The following CELF2 variants were observed in gnomAD, a reference collection of about 807,000 sequenced individuals.
CELF2 encodes CUGBP Elav-like family member 2.
In CELF2, 8 loss-of-function variants were observed where a neutral mutation model predicts 62.6. The ratio of observed to expected loss-of-function variants is 0.13; its 90% CI spans 0.07 to 0.23. The LOEUF is 0.23. Ranked by LOEUF, CELF2 falls within the 10% of genes least tolerant of loss-of-function variation. The pLI, the probability that CELF2 is intolerant of heterozygous loss-of-function variation, is 1.00. For synonymous variants in CELF2, 258 were observed against 250.0 expected, an observed-to-expected ratio of 1.03 and a Z score of -0.30; for missense variants, 333 against 671.0, an observed-to-expected ratio of 0.50 and a Z score of 5.56.
the CELF2 span, among the ~76,000 whole-genome samples, chr10:10,763,982 G>T: frequency 8.5e-5 from 13 of 152,220 alleles, no homozygotes; most frequent in South Asian, 2.1e-4. Flanking sequence ...AGTATTTCAC[G>T]CTGTGCGGCT....
chr10:10,567,449 C>T, the CELF2 span, among the ~76,000 whole-genome samples: 2 of 152,066 alleles, frequency 1.3e-5, no homozygotes, highest in Non-Finnish European at 2.9e-5. Context: ...CTCTTGGAAT[C>T]AATACCCAAG....
At position 11,318,889 on chromosome 10, in the gene CELF2, G is replaced by C. The variant is rs752341818; in HGVS notation, c.1097-2300G>C. 4 of 471,158 alleles carry C rather than the reference G, an allele frequency of 8.5e-6. No homozygotes were observed. The highest frequency in any genetic ancestry group is 6.2e-5 in the South Asian group (4 of 64,566). 29.2% of individuals were successfully genotyped at this position (471,158 alleles called of 1,614,324 possible). On this transcript the variant is annotated intron_variant, in intron 10 of 12. Coordinates refer to ENST00000633077, the MANE Select transcript of CELF2 (RefSeq NM_001326342.2). The surrounding 1 kb of genome is among the most constrained non-coding windows in gnomAD (Gnocchi z 5.4). ...ACATCGCAGGAAGGATCCCCCGTGG[G>C]TCTCACATGACAGGGCCTGAAAACT...
chr10:10,629,565 G>A, the CELF2 span, among the ~76,000 whole-genome samples: 1 of 151,928 alleles, frequency 6.6e-6, no homozygotes, highest in African/African-American at 2.4e-5. Context: ...AGTCTATCAT[G>A]CTTTCTTCAA....
chr10:11,300,022 C>T lies in CELF2; in HGVS notation c.976+11470C>T, dbSNP rs1445409982. ...GAATGGACTCTTCCAAACTCATGGC[C>T]CCACACTGCCTTTATGAGTGCCCGT... On this transcript the variant is annotated intron_variant, in intron 9 of 12. Coordinates refer to ENST00000633077, the MANE Select transcript of CELF2 (RefSeq NM_001326342.2). This position sits in a 1 kb window ranked among gnomAD's most constrained non-coding sequence, Gnocchi z 5.5. Among the ~76,000 whole-genome samples, 1 of 152,158 alleles carries T rather than the reference C, an allele frequency of 6.6e-6. No individual in the cohort carries two copies.
intron 1 of CELF2, among the ~76,000 whole-genome samples, chr10:10,847,251 G>T (rs1407478353): frequency 1.3e-5 from 2 of 152,066 alleles, no homozygotes; most frequent in Non-Finnish European, 2.9e-5. Flanking sequence ...AGTGGAGGAT[G>T]AAATGGCCTA....
intron 1 of CELF2, among the ~76,000 whole-genome samples, chr10:11,058,748 A>G (rs993572304): frequency 6.6e-5 from 10 of 151,980 alleles, no homozygotes; most frequent in East Asian, 1.9e-4. Context: ...GATTACAGAC[A>G]TGACCCACCG....
At chr10:11,202,398 C>G (rs959525906) in intron 2 of CELF2, among the ~76,000 whole-genome samples, 1 of 152,022 alleles carries the variant, frequency 6.6e-6, no homozygotes. Context: ...AAAAGTTGTC[C>G]CCGATGGTTT....
intron 3 of CELF2, among the ~76,000 whole-genome samples, chr10:11,229,922 T>C (rs2068012892): frequency 6.6e-6 from 1 of 152,164 alleles, no homozygotes; most frequent in South Asian, 2.1e-4. Flanking sequence ...ATGATTCCAG[T>C]GTGCAGGCAA....
chr10:11,002,735 A>T (rs1405894374), upstream of CELF2, among the ~76,000 whole-genome samples: 1 of 152,216 alleles, frequency 6.6e-6, no homozygotes, highest in African/African-American at 2.4e-5. The surrounding 1 kb of genome is among the most constrained non-coding windows in gnomAD (Gnocchi z 4.4). Flanking sequence ...AAAACACAAT[A>T]GCATGAAAGG....
chr10:10,838,239 G>C (rs528825946), intron 1 of CELF2, among the ~76,000 whole-genome samples: 38 of 152,274 alleles, frequency 2.5e-4, no homozygotes, highest in Non-Finnish European at 4.4e-4. Context: ...TATGGGTTTG[G>C]GGGAGGAAGA....
At chr10:10,540,645 A>G in the CELF2 span, among the ~76,000 whole-genome samples, 1 of 152,178 alleles carries the variant, frequency 6.6e-6, no homozygotes, top group Non-Finnish European at 1.5e-5. Context: ...TCATCAGATA[A>G]CTTTCTGATG....
rs148450690 is a variant in CELF2 at position 11,157,011 on chromosome 10, T to C, written c.75-8475T>C. Among the ~76,000 whole-genome samples the C allele has an allele frequency of 6.6e-6, 1 of 152,250 alleles. No homozygotes were observed. Among genetic ancestry groups the C allele is most frequent in the African/African-American group, 2.4e-5 (1 of 41,540 alleles). On this transcript the variant is annotated intron_variant, in intron 1 of 12. Transcript: ENST00000633077. The surrounding 1 kb of genome is among the most constrained non-coding windows in gnomAD (Gnocchi z 4.9). ...CAAAATGAGGGCAGTTATTTTCAAA[T>C]ACTTGAGAATGGGTGACCTCTCCAC... is the stretch of plus-strand genomic sequence containing the variant.
the CELF2 span, among the ~76,000 whole-genome samples, chr10:10,556,282 G>A: frequency 6.6e-6 from 1 of 151,694 alleles, no homozygotes; most frequent in Non-Finnish European, 1.5e-5. Context: ...AATATCTGGT[G>A]TTTGGTTTTT....
intron 1 of CELF2, among the ~76,000 whole-genome samples, chr10:11,136,557 T>G (rs1342510170): frequency 1.3e-5 from 2 of 152,116 alleles, no homozygotes; most frequent in African/African-American, 4.8e-5. Context: ...TGAGCTGAGA[T>G]TGCTCCACTG....
chr10:10,665,799 T>A, the CELF2 span, among the ~76,000 whole-genome samples: 1 of 152,212 alleles, frequency 6.6e-6, no homozygotes, highest in South Asian at 2.1e-4. Context: ...TATTCTTAAA[T>A]GTTAAGGTCC....
intron 2 of CELF2, among the ~76,000 whole-genome samples, chr10:10,973,340 A>T (rs2050966816): frequency 6.6e-6 from 1 of 152,098 alleles, no homozygotes; most frequent in South Asian, 2.1e-4. Context: ...CTTAGGGGAT[A>T]TGACTCCTGG....
chr10:10,990,620 C>A lies in CELF2; in HGVS notation c.89+70621C>A, dbSNP rs201105. Among the ~76,000 whole-genome samples the A allele has an allele frequency of 6.6e-6, 1 of 152,002 alleles. No individual in the cohort carries two copies. Among genetic ancestry groups the A allele is most frequent in the African/African-American group, 2.4e-5 (1 of 41,398 alleles). ...TAATAGTATAATATACGCTCAGTGG[C>A]AATTCAGTGTATTTCATAGATAAGT... On this transcript the variant is annotated intron_variant, in intron 2 of 13. Coordinates refer to the CELF2 transcript ENST00000636488. The surrounding 1 kb of genome is among the most constrained non-coding windows in gnomAD (Gnocchi z 4.6).
At chr10:11,271,721 G>A (rs967282781) in intron 7 of CELF2, among the ~76,000 whole-genome samples, 2 of 148,834 alleles carry the variant, frequency 1.3e-5, no homozygotes, top group African/African-American at 4.9e-5. Flanking sequence ...GTGTCTCTGT[G>A]TGTGTGTGTG....
At chr10:10,778,832 T>C in the CELF2 span, among the ~76,000 whole-genome samples, 1 of 152,156 alleles carries the variant, frequency 6.6e-6, no homozygotes, top group Non-Finnish European at 1.5e-5. Flanking sequence ...TATGGTGCAA[T>C]GGGATTGCAG....
Sources: gnomAD v4.1 joint callset for allele counts (sites outside exome capture counted in the v4.1 genomes callset) on GRCh38, gnomAD v4.1.1 for gene constraint, Gnocchi (gnomAD v3.1) non-coding constraint, MANE v1.5 for transcripts, NCBI Gene and HGNC (gene_info 2026-07-23, HGNC 2026-07-21) for gene names.